CTNNA3: variants seen among roughly 807,000 people sequenced by gnomAD.
The protein encoded by CTNNA3 is catenin alpha 3.
Under a neutral mutation model 95.7 loss-of-function variants are expected in CTNNA3, and 76 were observed. The observed-to-expected ratio is 0.79, with a 90% confidence interval of 0.66 to 0.96. The LOEUF is 0.96. Among genes scored for constraint, CTNNA3 ranks in the 40% least tolerant of loss-of-function variants. The probability of loss-of-function intolerance (pLI) is 0.00; values close to 1 mark genes in which losing one functional copy is unlikely to be tolerated. For synonymous variants in CTNNA3, 431 were observed against 374.4 expected (o/e 1.15, Z -1.74); for missense variants, 1,191 against 1,089.8 (o/e 1.09, Z -1.31).
intron 11 of CTNNA3, among the ~76,000 whole-genome samples, chr10:66,446,635 TA>T (rs1241407708): frequency 6.6e-6 from 1 of 152,122 alleles, no homozygotes; most frequent in Non-Finnish European, 1.5e-5. Context: ...CCCTTCATGC[TA>T]AAAACTCTCA....
At chr10:66,889,111 C>G (rs1221753146) in intron 7 of CTNNA3, among the ~76,000 whole-genome samples, 1 of 151,812 alleles carries the variant, frequency 6.6e-6, no homozygotes, top group Non-Finnish European at 1.5e-5. Context: ...TGAAAGAAGG[C>G]AACCTGAAAA....
At chr10:66,177,798 G>A (rs529985034) in intron 13 of CTNNA3, among the ~76,000 whole-genome samples, 1 of 151,852 alleles carries the variant, frequency 6.6e-6, no homozygotes, top group Non-Finnish European at 1.5e-5. Context: ...TTAGAACATC[G>A]ATGGGTAACT....
intron 5 of CTNNA3, among the ~76,000 whole-genome samples, chr10:67,464,232 T>G (rs1180728479): frequency 6.6e-6 from 1 of 152,150 alleles, no homozygotes; most frequent in African/African-American, 2.4e-5. Flanking sequence ...ATTTCCTTCT[T>G]AATTCTTTTC....
At chr10:67,682,536 G>C (rs1246278617) in intron 1 of CTNNA3, among the ~76,000 whole-genome samples, 3 of 152,160 alleles carry the variant, frequency 2.0e-5, no homozygotes, top group Non-Finnish European at 4.4e-5. Context: ...TGCTGTTTAA[G>C]TGTTAGGAAC....
chr10:65,960,945 C>T (rs1029405381), intron 17 of CTNNA3, among the ~76,000 whole-genome samples: 1 of 152,128 alleles, frequency 6.6e-6, no homozygotes, highest in Non-Finnish European at 1.5e-5. Context: ...TCAACTTCAT[C>T]CTGGCTGAGA....
In CTNNA3 at chr10:67,741,346, C is replaced by CA. The variant is rs542236311; in HGVS notation, c.-2+22087dup. 0.037 allele frequency among the ~76,000 whole-genome samples: 4,745 copies of CA among 128,478 alleles called. 495 individuals are homozygous for CA. In the East Asian group the frequency reaches 0.43, roughly 12 times the overall value. The allele number at this position is 128,478 out of a possible 152,430, so 84.3% of individuals were successfully genotyped here. A position where few individuals can be genotyped will look rare whatever the true frequency, so the allele number is the denominator to read the frequency against. ...AAAAAAATAAAAAATAAAAAAAGAA[C>CA]AAAAAAAAAAAAAGAAAAGAAAAGA... On this transcript the variant is annotated intron_variant, in intron 1 of 17. Transcript: ENST00000684154.
intron 7 of CTNNA3, among the ~76,000 whole-genome samples, chr10:67,124,315 G>A (rs937786009): frequency 1.4e-5 from 2 of 147,166 alleles, no homozygotes; most frequent in East Asian, 4.1e-4. Context: ...CTCCTCCTGC[G>A]TGTAGGGGTG....
chr10:66,601,713 A>C (rs372414856), intron 10 of CTNNA3, among the ~76,000 whole-genome samples: 9 of 151,944 alleles, frequency 5.9e-5, no homozygotes, highest in African/African-American at 2.2e-4. Flanking sequence ...ACGCAGCCTT[A>C]GAACAGAAAA....
At chr10:67,642,481 A>G (rs112180956) in intron 2 of CTNNA3, among the ~76,000 whole-genome samples, 20,222 of 152,080 alleles carry the variant, frequency 0.13, 2,419 homozygotes, top group African/African-American at 0.32. Flanking sequence ...ACTTTGGGAG[A>G]CTGAGGCAGG....
At chr10:66,634,673 C>T (rs10997275) in intron 9 of CTNNA3, among the ~76,000 whole-genome samples, 18,092 of 150,830 alleles carry the variant, frequency 0.12, 1,868 homozygotes, top group African/African-American at 0.26. Flanking sequence ...TACATTTCTT[C>T]CTTTTTCCTA....
intron 7 of CTNNA3, among the ~76,000 whole-genome samples, chr10:66,863,522 G>C (rs574246913): frequency 2.6e-4 from 40 of 152,294 alleles, no homozygotes; most frequent in African/African-American, 9.4e-4. Context: ...GAGCCAACAG[G>C]ATTTGCTGAT....
At chr10:67,755,021 G>A (rs1360558808) in intron 1 of CTNNA3, among the ~76,000 whole-genome samples, 1 of 151,774 alleles carries the variant, frequency 6.6e-6, no homozygotes, top group East Asian at 1.9e-4. Flanking sequence ...AATATAGCGA[G>A]ACCTTATCTC....
At chr10:66,923,426 G>A (rs958088848) in intron 7 of CTNNA3, among the ~76,000 whole-genome samples, 6 of 152,174 alleles carry the variant, frequency 3.9e-5, no homozygotes, top group South Asian at 2.1e-4. Context: ...CAATGACTAC[G>A]TGGGAGAGTG....
chr10:67,497,333 T>A (rs985846319), intron 5 of CTNNA3, among the ~76,000 whole-genome samples: 8 of 152,330 alleles, frequency 5.3e-5, no homozygotes, highest in Non-Finnish European at 7.3e-5. Context: ...AGTCTATCAT[T>A]GATAGGCATT....
intron 16 of CTNNA3, among the ~76,000 whole-genome samples, chr10:65,972,899 A>AC (rs2078134773): frequency 4.7e-5 from 1 of 21,236 alleles, no homozygotes; most frequent in East Asian, 1.3e-3. Context: ...AGCAATCCTA[A>AC]GGGGGAAAAA....
chr10:66,023,957 G>T (rs939673920), intron 15 of CTNNA3, among the ~76,000 whole-genome samples: 1 of 152,084 alleles, frequency 6.6e-6, no homozygotes, highest in Admixed American at 6.6e-5. Context: ...AGTTTATGGT[G>T]ACTATTCAGA....
chr10:67,231,293 G>C (rs1865197180), intron 5 of CTNNA3, among the ~76,000 whole-genome samples: 1 of 152,232 alleles, frequency 6.6e-6, no homozygotes, highest in African/African-American at 2.4e-5. Context: ...GCTTTGAAGA[G>C]AGCAGTGGTT....
intron 7 of CTNNA3, among the ~76,000 whole-genome samples, chr10:66,957,374 ATG>A (rs1472666675): frequency 9.2e-6 from 1 of 108,822 alleles, no homozygotes; most frequent in Non-Finnish European, 1.9e-5. Flanking sequence ...TATCCAGAAT[ATG>A]TGTGTGTATA....
chr10:66,928,179 C>T (rs138124510), intron 7 of CTNNA3: 67 of 1,614,084 alleles, frequency 4.2e-5, no homozygotes, highest in Admixed American at 2.0e-4. Context: ...ATAAAATCAT[C>T]GCGGGCAGCG....
Sources: gnomAD v4.1 joint callset for allele counts (sites outside exome capture counted in the v4.1 genomes callset) on GRCh38, gnomAD v4.1.1 for gene constraint, MANE v1.5 for transcripts, NCBI Gene and HGNC (gene_info 2026-07-23, HGNC 2026-07-21) for gene names.